The following ATP8B3 variants were observed in gnomAD, a reference collection of about 807,000 sequenced individuals.
ATP8B3 encodes ATPase phospholipid transporting 8B3.
A neutral mutation model predicts 140.9 loss-of-function variants in ATP8B3; 141 were observed. That is an observed-to-expected ratio of 1.00 (90% CI 0.87 to 1.15). ATP8B3 has a LOEUF of 1.15. Ranked by LOEUF, ATP8B3 falls within the 50% of genes most tolerant of loss-of-function variation. ATP8B3 has a pLI of 0.00. For missense variants in ATP8B3, 1,874 were observed against 1,740.6 expected (o/e 1.08, Z -1.36); for synonymous variants, 765 against 714.6 (o/e 1.07, Z -1.13).
rs2068277584 is a variant in ATP8B3, at chr19:1,785,535, G to A, written c.3327C>T (p.Ser1109=). Reference sequence around the variant, plus strand: ...CCGCAAAGGACTGGTGGTCGCTGAAGCTGGCGGGTCCCGCCGTGTCGCGGC... The same window carrying A: ...CCGCAAAGGACTGGTGGTCGCTGAAACTGGCGGGTCCCGCCGTGTCGCGGC... ...WISRDTAGPA[S]FSDHQSFAVV... Residue 1109 remains serine (S), a synonymous_variant, in exon 26 of 29, where the codon AGC becomes AGT. Coordinates refer to ENST00000310127, the MANE Select transcript of ATP8B3 (RefSeq NM_138813.4). 2 of 1,612,784 alleles carry A rather than the reference G, an allele frequency of 1.2e-6. No individual in the cohort carries two copies. The highest frequency in any genetic ancestry group is 1.1e-5 in the South Asian group (1 of 91,090).
At position 1,805,864 on chromosome 19, in the gene ATP8B3, C is replaced by A. The variant is rs2068996162; in HGVS notation, c.821+24G>T. ...GCCATGCTCCCCACCCCCCAGGGTCCCCAGCGATGCCACAGCTCCTCACCC... is the reference window on the plus strand; with the variant it reads ...GCCATGCTCCCCACCCCCCAGGGTCACCAGCGATGCCACAGCTCCTCACCC... On this transcript the variant is annotated intron_variant, in intron 9 of 28. Transcript: ENST00000310127. This position sits in a 1 kb window ranked among gnomAD's most constrained non-coding sequence, Gnocchi z 5.2. 4 of 1,612,626 alleles carry A rather than the reference C, an allele frequency of 2.5e-6. No homozygotes were observed. The highest frequency in any genetic ancestry group is 1.3e-5 in the African/African-American group (1 of 75,030).
At chr19:1,788,236 C>T (rs555332198) in intron 24 of ATP8B3, among the ~76,000 whole-genome samples, 5 of 152,182 alleles carry the variant, frequency 3.3e-5, no homozygotes, top group Non-Finnish European at 5.9e-5. Context: ...GTCAGGATAC[C>T]GCTCAGAGTC....
Position 1,782,762 on chromosome 19 carries a change from A to G in ATP8B3, c.*266T>C. 4.1e-6 allele frequency: 2 copies of G among 489,490 alleles called. No homozygotes were observed. Among genetic ancestry groups the G allele is most frequent in the Non-Finnish European group, 7.4e-6 (2 of 270,612 alleles). 30.3% of individuals were successfully genotyped at this position (489,490 alleles called of 1,614,324 possible). A position where few individuals can be genotyped will look rare whatever the true frequency, so the allele number is the denominator to read the frequency against. On this transcript the variant is annotated 3_prime_UTR_variant, in exon 29 of 29. Coordinates refer to ENST00000310127, the MANE Select transcript of ATP8B3 (RefSeq NM_138813.4). Reference sequence around the variant, plus strand: ...ATGTGACCTCTCCTTGGTCAACAGCAACTTCTCAGGAGAAGGTGGCCTCTG... The same window carrying G: ...ATGTGACCTCTCCTTGGTCAACAGCGACTTCTCAGGAGAAGGTGGCCTCTG...
chr19:1,789,149 C>T (rs771412482), intron 23 of ATP8B3, 29 bp from the exon 24 acceptor site: 1 of 1,511,110 alleles, frequency 6.6e-7, no homozygotes, highest in Non-Finnish European at 8.8e-7. Context: ...TGGTCAGCCC[C>T]CCGCACGCCC....
chr19:1,784,391 C>G (rs758548350), intron 28 of ATP8B3, among the ~76,000 whole-genome samples: 2 of 152,022 alleles, frequency 1.3e-5, no homozygotes, highest in Admixed American at 6.6e-5. Flanking sequence ...GGTACATGCC[C>G]GTGGTCTCAG....
At chr19:1,796,911 G>A (rs532150924) in intron 15 of ATP8B3, 32 bp from the exon 16 acceptor site, 1 of 1,610,846 alleles carries the variant, frequency 6.2e-7, no homozygotes, top group African/African-American at 1.3e-5. Context: ...GCCGGCTGTG[G>A]GTGGGCCGCT....
intron 3 of ATP8B3, among the ~76,000 whole-genome samples, chr19:1,810,200 C>T (rs2069147365): frequency 2.6e-5 from 4 of 152,246 alleles, no homozygotes; most frequent in Admixed American, 2.6e-4. Context: ...AATGAGAATC[C>T]TAGGCAAGGC....
At chr19:1,785,101 T>C in intron 27 of ATP8B3, 58 bp downstream of exon 27, 1 of 1,489,478 alleles carries the variant, frequency 6.7e-7, no homozygotes, top group Non-Finnish European at 8.9e-7. Context: ...CTGCAACCTC[T>C]TCCATCGGGG....
intron 18 of ATP8B3, among the ~76,000 whole-genome samples, chr19:1,795,169 A>G (rs2068627407): frequency 6.6e-6 from 1 of 151,704 alleles, no homozygotes; most frequent in Non-Finnish European, 1.5e-5. Context: ...GCAGGAGGAT[A>G]GCTTAAGCCT....
chr19:1,796,638 G>A, intron 16 of ATP8B3, 73 bp downstream of exon 16: 1 of 1,520,026 alleles, frequency 6.6e-7, no homozygotes, highest in Non-Finnish European at 8.8e-7. Flanking sequence ...GGCCGGGTGA[G>A]CTGCGGGGCT....
rs1483766621 is a variant in ATP8B3 at position 1,807,410 on chromosome 19, C to T, written c.517-144G>A. 9.3e-6 allele frequency: 6 copies of T among 644,618 alleles called. No individual in the cohort carries two copies. Among genetic ancestry groups the T allele is most frequent in the Non-Finnish European group, 1.6e-5 (6 of 367,740 alleles). The allele number at this position is 644,618 out of a possible 1,614,324, so 39.9% of individuals were successfully genotyped here. A position where few individuals can be genotyped will look rare whatever the true frequency, so the allele number is the denominator to read the frequency against. ...ACCGGGGTCCAGCCATCTCCTGCAA[C>T]CCCCAGCCCTCGGGACAAACGCCCC... On this transcript the variant is annotated intron_variant, in intron 5 of 28. Coordinates refer to ENST00000310127, the MANE Select transcript of ATP8B3 (RefSeq NM_138813.4). The surrounding 1 kb of genome is among the most constrained non-coding windows in gnomAD (Gnocchi z 5.9).
In ATP8B3 at chr19:1,782,612, G is replaced by A. The variant is rs2068192140; in HGVS notation, c.*416C>T. On this transcript the variant is annotated 3_prime_UTR_variant, in exon 29 of 29. Transcript: ENST00000310127. ...CAAAAATGCTGACTTCTCCTCCGAG[G>A]AGTCTGGCTGGCTCTCCAACGTCAG... 4.1e-6 allele frequency: 1 copy of A among 245,906 alleles called. No individual in the cohort carries two copies. The highest frequency in any genetic ancestry group is 2.3e-5 in the African/African-American group (1 of 44,120). The allele number at this position is 245,906 out of a possible 1,614,324, so 15.2% of individuals were successfully genotyped here.
chr19:1,805,974 G>T lies in ATP8B3; in HGVS notation c.751-16C>A. On this transcript the variant is annotated splice_polypyrimidine_tract_variant and intron_variant, in intron 8 of 28. Transcript: ENST00000310127. The surrounding 1 kb of genome is among the most constrained non-coding windows in gnomAD (Gnocchi z 5.2). ...GCATGTCGGCCTGGTGTGGAGTGGG[G>T]GGCAGCGTTGCAAGAGGGGATGCAA... 6.2e-7 allele frequency: 1 copy of T among 1,612,546 alleles called. No homozygotes were observed. The highest frequency in any genetic ancestry group is 1.3e-5 in the African/African-American group (1 of 74,992).
intron 18 of ATP8B3, 151 bp downstream of exon 18, chr19:1,795,724 A>G: frequency 1.4e-6 from 1 of 724,374 alleles, no homozygotes. Context: ...CATCCCAGGT[A>G]CCTGCAGCCT....
In ATP8B3 at chr19:1,806,007, T is replaced by C; in HGVS notation, c.751-49A>G. 1 of 1,606,462 alleles carries C rather than the reference T, an allele frequency of 6.2e-7. No homozygotes were observed. Among genetic ancestry groups the C allele is most frequent in the Non-Finnish European group, 8.5e-7 (1 of 1,177,754 alleles). On this transcript the variant is annotated intron_variant, in intron 8 of 28. Coordinates refer to ENST00000310127, the MANE Select transcript of ATP8B3 (RefSeq NM_138813.4). The surrounding 1 kb of genome is among the most constrained non-coding windows in gnomAD (Gnocchi z 5.6). ...TTGCAAGAGGGGATGCAAGACAAATTGGGGGTGCGGCAGCCCTCCCCACCC... is the reference window on the plus strand; with the variant it reads ...TTGCAAGAGGGGATGCAAGACAAATCGGGGGTGCGGCAGCCCTCCCCACCC...
intron 24 of ATP8B3, 76 bp downstream of exon 24, chr19:1,788,821 T>A (rs2068386253): frequency 2.2e-6 from 3 of 1,381,490 alleles, no homozygotes; most frequent in Non-Finnish European, 3.0e-6. Context: ...CGTCCAGGGC[T>A]GCTCCTGGCA....
Position 1,805,703 on chromosome 19 carries a change from G to A in ATP8B3, c.821+185C>T, listed in dbSNP as rs1213610366. Among the ~76,000 whole-genome samples the A allele has an allele frequency of 6.6e-6, 1 of 152,062 alleles. No individual in the cohort carries two copies. The highest frequency in any genetic ancestry group is 1.5e-5 in the Non-Finnish European group (1 of 67,966). On this transcript the variant is annotated intron_variant, in intron 9 of 28. Coordinates refer to ENST00000310127, the MANE Select transcript of ATP8B3 (RefSeq NM_138813.4). The surrounding 1 kb of genome is among the most constrained non-coding windows in gnomAD (Gnocchi z 5.2). ...CCCGTATGCACACAATGGAAACAAT[G>A]GGGAGGGTGGGCGTCTTCCTCCCCT...
intron 25 of ATP8B3, among the ~76,000 whole-genome samples, 198 bp downstream of exon 25, chr19:1,786,905 T>C (rs1323326707): frequency 6.6e-6 from 1 of 152,148 alleles, no homozygotes; most frequent in Non-Finnish European, 1.5e-5. Flanking sequence ...AGGAGCTGGA[T>C]GGCCCCGGGA....
chr19:1,802,067 C>T, intron 11 of ATP8B3, 23 bp from the exon 12 acceptor site: 2 of 1,465,004 alleles, frequency 1.4e-6, no homozygotes, highest in Non-Finnish European at 1.8e-6. Flanking sequence ...ATCCATCTAT[C>T]CACCCACCCA....
Sources: gnomAD v4.1 joint callset for allele counts (sites outside exome capture counted in the v4.1 genomes callset) on GRCh38, gnomAD v4.1.1 for gene constraint, Gnocchi (gnomAD v3.1) non-coding constraint, MANE v1.5 for transcripts, NCBI Gene and HGNC (gene_info 2026-07-23, HGNC 2026-07-21) for gene names.